TLCD4: variants seen among roughly 807,000 people sequenced by gnomAD.
TLCD4 encodes the protein TLC domain containing 4.
In TLCD4, 7 loss-of-function variants were observed where a neutral mutation model predicts 24.2. The ratio of observed to expected loss-of-function variants is 0.29; its 90% confidence interval spans 0.16 to 0.54. The LOEUF (loss-of-function observed/expected upper bound fraction) is 0.54, where lower values mean the gene tolerates loss of function less well. Ranked by LOEUF, TLCD4 falls within the 20% of genes least tolerant of loss-of-function variation. The pLI, the probability that TLCD4 is intolerant of heterozygous loss-of-function variation, is 0.95. For missense variants in TLCD4, 259 were observed against 313.9 expected (o/e 0.82, Z 1.32); for synonymous variants, 103 against 106.4 (o/e 0.97, Z 0.20).
At chr1:95,179,559 C>T (rs2101004521) in intron 6 of TLCD4, among the ~76,000 whole-genome samples, 1 of 152,352 alleles carries the variant, frequency 6.6e-6, no homozygotes, top group Admixed American at 6.5e-5. Flanking sequence ...CATAGACCAT[C>T]TCCTGTCTCC....
At chr1:95,114,692 T>C (rs962404894), upstream of TLCD4, among the ~76,000 whole-genome samples, 10 of 151,924 alleles carry the variant, frequency 6.6e-5, no homozygotes, top group Non-Finnish European at 1.5e-4. Flanking sequence ...TAGCCAAGCA[T>C]GGTGGTGCAT....
chr1:95,192,766 G>A lies in TLCD4; in HGVS notation c.*898G>A, dbSNP rs1390089426. The stretch of plus-strand genomic sequence containing the variant: ...GGAATATTTAATTAGTTTAGTCATG[G>A]AGAATACTTCCCACATTTTAAGATT... On this transcript the variant is annotated 3_prime_UTR_variant, in exon 7 of 7. Transcript: ENST00000370203. The A allele has an allele frequency of 8.5e-6, 1 of 117,344 alleles. No individual in the cohort carries two copies. The highest frequency in any genetic ancestry group is 2.6e-4 in the East Asian group (1 of 3,888). 7.3% of individuals were successfully genotyped at this position (117,344 alleles called of 1,614,324 possible). A position where few individuals can be genotyped will look rare whatever the true frequency, so the allele number is the denominator to read the frequency against.
At chr1:95,189,825 A>G (rs1416101635) in intron 6 of TLCD4, among the ~76,000 whole-genome samples, 1 of 152,252 alleles carries the variant, frequency 6.6e-6, no homozygotes, top group Non-Finnish European at 1.5e-5. Flanking sequence ...TGGTGTAAAC[A>G]CGTATGCAGC....
At chr1:95,104,967 C>T in the TLCD4 span, among the ~76,000 whole-genome samples, 5 of 150,472 alleles carry the variant, frequency 3.3e-5, no homozygotes, top group East Asian at 8.1e-4. Flanking sequence ...GGCTGCCGTG[C>T]GCCCTGATCA....
rs1281545328 is a variant in TLCD4, at chr1:95,191,954, C to G, written c.*86C>G. On this transcript the variant is annotated 3_prime_UTR_variant, in exon 7 of 7. Transcript: ENST00000370203. ...TCTTGGCATGTTCTTGTGTACCTTTCTTAATTATAATTGTTATTCAGGATT... is the reference window on the plus strand; with the variant it reads ...TCTTGGCATGTTCTTGTGTACCTTTGTTAATTATAATTGTTATTCAGGATT... 2 of 1,491,836 alleles carry G rather than the reference C, an allele frequency of 1.3e-6. No individual in the cohort carries two copies. The highest frequency in any genetic ancestry group is 4.9e-5 in the Admixed American group (2 of 40,620). 92.4% of individuals were successfully genotyped at this position (1,491,836 alleles called of 1,614,324 possible).
chr1:95,184,230 C>T (rs1395342033), intron 6 of TLCD4, among the ~76,000 whole-genome samples: 1 of 152,148 alleles, frequency 6.6e-6, no homozygotes, highest in Non-Finnish European at 1.5e-5. Flanking sequence ...CTCTTGGACT[C>T]ACAATATCTT....
In TLCD4 at chr1:95,191,974, A is replaced by G; in HGVS notation, c.*106A>G. On this transcript the variant is annotated 3_prime_UTR_variant, in exon 7 of 7. Transcript: ENST00000370203. ...CCTTTCTTAATTATAATTGTTATTC[A>G]GGATTTCAGTGTCATTTTTTTTAAA... 1.4e-6 allele frequency: 2 copies of G among 1,464,046 alleles called. No individual in the cohort carries two copies. The highest frequency in any genetic ancestry group is 1.8e-6 in the Non-Finnish European group (2 of 1,115,640). 90.7% of individuals were successfully genotyped at this position (1,464,046 alleles called of 1,614,324 possible).
chr1:95,174,050 G>C (rs1678329747), intron 6 of TLCD4, 161 bp downstream of exon 6: 1 of 1,118,344 alleles, frequency 8.9e-7, no homozygotes, highest in African/African-American at 1.6e-5. Flanking sequence ...GTTTTGGAAA[G>C]GTTAGAGTAA....
Position 95,197,458 on chromosome 1 carries a change from G to T in TLCD4, c.*5590G>T, listed in dbSNP as rs1438187563. 2.0e-5 allele frequency: 3 copies of T among 152,118 alleles called. No homozygotes were observed. Among genetic ancestry groups the T allele is most frequent in the Non-Finnish European group, 4.4e-5 (3 of 68,004 alleles). The allele number at this position is 152,118 out of a possible 1,614,324, so 9.4% of individuals were successfully genotyped here. A position where few individuals can be genotyped will look rare whatever the true frequency, so the allele number is the denominator to read the frequency against. On this transcript the variant is annotated 3_prime_UTR_variant, in exon 7 of 7. Transcript: ENST00000370203. ...AATTTTTAGTTAACATTTCAAGAAT[G>T]ATAAAATGAACACCCTGTAAATTAC...
upstream of TLCD4, among the ~76,000 whole-genome samples, chr1:95,115,291 A>G (rs765004090): frequency 1.3e-5 from 2 of 151,964 alleles, no homozygotes; most frequent in Non-Finnish European, 2.9e-5. Flanking sequence ...TATTTTTAGT[A>G]GAGACAGGGT....
chr1:95,180,100 G>A (rs1267901829), intron 6 of TLCD4, among the ~76,000 whole-genome samples: 1 of 152,174 alleles, frequency 6.6e-6, no homozygotes, highest in African/African-American at 2.4e-5. Flanking sequence ...TATCTGGCAT[G>A]TAGTAGCCAT....
chr1:95,167,596 C>T lies in TLCD4; in HGVS notation c.400-6220C>T, dbSNP rs563927134. On this transcript the variant is annotated intron_variant, in intron 5 of 6. Coordinates refer to ENST00000370203, the MANE Select transcript of TLCD4 (RefSeq NM_152487.3). The stretch of plus-strand genomic sequence containing the variant: ...GCCAAAGGGTGGAAGGCTACCCTGA[C>T]GCACGGTAATCTAAGCCCAGGGCAT... 7.8e-4 allele frequency among the ~76,000 whole-genome samples: 119 copies of T among 152,094 alleles called. 1 individual carries two copies. Among genetic ancestry groups the T allele is most frequent in the Non-Finnish European group, 1.4e-3 (98 of 67,996 alleles).
chr1:95,115,893 A>C (rs1183033189), upstream of TLCD4, among the ~76,000 whole-genome samples: 1 of 152,210 alleles, frequency 6.6e-6, no homozygotes, highest in Non-Finnish European at 1.5e-5. Context: ...CTGACTTCAC[A>C]GATGTTCACA....
At chr1:95,154,014 G>A (rs1677562572) in intron 5 of TLCD4, among the ~76,000 whole-genome samples, 1 of 152,150 alleles carries the variant, frequency 6.6e-6, no homozygotes, top group African/African-American at 2.4e-5. Context: ...GCCTTTTAAA[G>A]TGGCTATTCT....
chr1:95,190,840 G>A (rs1679001714), intron 6 of TLCD4, among the ~76,000 whole-genome samples: 1 of 152,066 alleles, frequency 6.6e-6, no homozygotes, highest in Admixed American at 6.5e-5. Flanking sequence ...TTTTCTTATT[G>A]TTGACTTTTA....
intron 4 of TLCD4, 77 bp downstream of exon 4, chr1:95,150,343 C>G: frequency 6.5e-7 from 1 of 1,542,186 alleles, no homozygotes; most frequent in South Asian, 1.3e-5. Flanking sequence ...ATAGTCTATG[C>G]TTTTGGTTTA....
At chr1:95,166,792 C>T (rs563071445) in intron 5 of TLCD4, among the ~76,000 whole-genome samples, 1 of 152,216 alleles carries the variant, frequency 6.6e-6, no homozygotes, top group East Asian at 1.9e-4. Context: ...TACAGTGGTG[C>T]AGTCATAGCT....
rs201787134 is a variant in TLCD4, at chr1:95,191,819, T to A, written c.743T>A (p.Ile248Asn). The A allele has an allele frequency of 1.8e-5, 29 of 1,614,136 alleles. 1 individual carries two copies. ...GGTTGCATCAAAGTCATCTCTCACATCAGACAAGAGAAAGCCAAAAATAGT... is the reference window on the plus strand; with the variant it reads ...GGTTGCATCAAAGTCATCTCTCACAACAGACAAGAGAAAGCCAAAAATAGT... ...SKGCIKVISH[I>N]RQEKAKNSLQ... The change falls in exon 7 of 7, where the codon ATC (isoleucine) becomes AAC (asparagine). Residue 248 changes from isoleucine (I) to asparagine (N), a missense_variant. Transcript: ENST00000370203.
intron 1 of TLCD4, among the ~76,000 whole-genome samples, chr1:95,127,000 A>G (rs998037154): frequency 3.3e-5 from 5 of 152,210 alleles, no homozygotes; most frequent in Admixed American, 3.3e-4. Context: ...AGGTGACTGC[A>G]TGTACTAGGA....
Sources: allele counts gnomAD v4.1 joint callset (sites outside exome capture counted in the v4.1 genomes callset), GRCh38; gene constraint gnomAD v4.1.1; transcripts MANE v1.5; gene names NCBI Gene and HGNC (gene_info 2026-07-23, HGNC 2026-07-21).